KLF8: variants seen among roughly 807,000 people sequenced by gnomAD.
KLF8 encodes the protein KLF transcription factor 8.
In KLF8, 10 loss-of-function variants were observed where a neutral mutation model predicts 18.2. The observed-to-expected ratio is 0.55, with a 90% CI of 0.34 to 0.93. The LOEUF is 0.93. KLF8 is among the 40% of genes least tolerant of loss of function. The pLI is 0.02. For missense variants in KLF8, 264 were observed against 277.9 expected (o/e 0.95, Z 0.36); for synonymous variants, 109 against 97.3 (o/e 1.12, Z -0.71).
the KLF8 span, among the ~76,000 whole-genome samples, chrX:56,170,780 A>G: frequency 7.3e-4 from 82 of 111,785 alleles, no homozygotes; most frequent in African/African-American, 2.6e-3. Flanking sequence ...AGGAAAAATA[A>G]CAGAGAACTT....
chrX:56,038,170 T>C, the KLF8 span, among the ~76,000 whole-genome samples: 3 of 112,573 alleles, frequency 2.7e-5, no homozygotes, highest in African/African-American at 9.7e-5. Flanking sequence ...ATTCTTTTTA[T>C]GACTGAATAG....
chrX:56,034,335 G>A, the KLF8 span, among the ~76,000 whole-genome samples: 1 of 111,756 alleles, frequency 8.9e-6, no homozygotes, highest in Non-Finnish European at 1.9e-5. Context: ...AAACACATGT[G>A]TTTATTTCTG....
At chrX:56,013,203 GT>G in the KLF8 span, among the ~76,000 whole-genome samples, 1 of 112,785 alleles carries the variant, frequency 8.9e-6, no homozygotes, top group African/African-American at 3.2e-5. Flanking sequence ...GAACTTTAAG[GT>G]TTAATGACTG....
At chrX:56,189,493 C>T in the KLF8 span, among the ~76,000 whole-genome samples, 1 of 110,885 alleles carries the variant, frequency 9.0e-6, no homozygotes, top group East Asian at 2.9e-4. Context: ...CTAGAAATAC[C>T]ATTTGACCCA....
At chrX:56,005,932 C>G in the KLF8 span, among the ~76,000 whole-genome samples, 1 of 112,059 alleles carries the variant, frequency 8.9e-6, no homozygotes, top group Non-Finnish European at 1.9e-5. Flanking sequence ...TTGGAAGCAC[C>G]CTGATTGGGC....
rs1412819726 is a variant in KLF8, at chrX:56,287,599, A to C, written c.*3105A>C. The C allele has an allele frequency of 8.9e-6, 1 of 112,173 alleles. No homozygotes were observed. The highest frequency in any genetic ancestry group is 9.5e-5 in the Admixed American group (1 of 10,554). The allele number at this position is 112,173 out of a possible 1,213,427, so 9.2% of individuals were successfully genotyped here. On this transcript the variant is annotated 3_prime_UTR_variant, in exon 6 of 6. Coordinates refer to ENST00000468660, the MANE Select transcript of KLF8 (RefSeq NM_007250.5). ...TCTGATGATCAGCAGTTGAACATAA[A>C]CTTCATAATTATAGTAAAATTTAGG...
chrX:55,956,871 G>A, the KLF8 span, among the ~76,000 whole-genome samples: 2 of 111,459 alleles, frequency 1.8e-5, no homozygotes, highest in Admixed American at 9.5e-5. Flanking sequence ...TTTGGATCAT[G>A]TCCTTTGATA....
chrX:55,949,227 G>A, the KLF8 span, among the ~76,000 whole-genome samples: 4 of 110,713 alleles, frequency 3.6e-5, no homozygotes, highest in African/African-American at 1.3e-4. Flanking sequence ...ATTTTCCCAG[G>A]CCCCATGGAC....
At chrX:56,228,726 A>G (rs143185995), upstream of KLF8, among the ~76,000 whole-genome samples, 108 of 111,802 alleles carry the variant, frequency 9.7e-4, no homozygotes, top group African/African-American at 3.4e-3. Context: ...CACTGGTTCA[A>G]CATTAGCGGA....
chrX:56,255,919 G>T (rs892860582), intron 2 of KLF8, among the ~76,000 whole-genome samples: 1 of 111,471 alleles, frequency 9.0e-6, no homozygotes, highest in African/African-American at 3.3e-5. Context: ...TTTGGAAATA[G>T]TTCCTCCTCT....
chrX:55,989,399 T>G, the KLF8 span, among the ~76,000 whole-genome samples: 2 of 112,423 alleles, frequency 1.8e-5, no homozygotes, highest in East Asian at 2.8e-4. Flanking sequence ...TTTATTGAGA[T>G]TTTTTAGCAC....
chrX:56,132,880 T>A, the KLF8 span, among the ~76,000 whole-genome samples: 1 of 111,582 alleles, frequency 9.0e-6, no homozygotes, highest in Non-Finnish European at 1.9e-5. Context: ...AAGGCTACTA[T>A]GAACACCTTT....
the KLF8 span, among the ~76,000 whole-genome samples, chrX:56,078,824 G>A: frequency 1.8e-5 from 2 of 111,169 alleles, no homozygotes; most frequent in African/African-American, 3.3e-5. Flanking sequence ...TTCAGAGCCT[G>A]TTATTGGTCT....
the KLF8 span, among the ~76,000 whole-genome samples, chrX:56,120,146 C>A: frequency 9.1e-6 from 1 of 110,116 alleles, no homozygotes; most frequent in Non-Finnish European, 1.9e-5. Flanking sequence ...ACTTTTTTTC[C>A]AACCCAACTT....
At chrX:56,175,835 C>A in the KLF8 span, among the ~76,000 whole-genome samples, 2 of 111,379 alleles carry the variant, frequency 1.8e-5, no homozygotes, top group African/African-American at 6.5e-5. Flanking sequence ...TTGAATTGAT[C>A]CCTTTACCAT....
At chrX:55,993,782 T>A in the KLF8 span, among the ~76,000 whole-genome samples, 1 of 111,540 alleles carries the variant, frequency 9.0e-6, no homozygotes, top group African/African-American at 3.3e-5. Flanking sequence ...TTTTCTTCAC[T>A]CATTCAATTT....
intron 1 of KLF8, among the ~76,000 whole-genome samples, chrX:56,247,419 C>T (rs1315557553): frequency 8.9e-6 from 1 of 111,732 alleles, no homozygotes; most frequent in East Asian, 2.8e-4. Flanking sequence ...CTGTACCTTA[C>T]TTTAGACTTT....
intron 5 of KLF8, among the ~76,000 whole-genome samples, chrX:56,281,193 T>C (rs1312426453): frequency 9.0e-6 from 1 of 111,576 alleles, no homozygotes; most frequent in Non-Finnish European, 1.9e-5. Flanking sequence ...AAGTTTTTCA[T>C]CTGTCTTTTA....
At chrX:56,094,544 A>G in the KLF8 span, among the ~76,000 whole-genome samples, 37 of 111,100 alleles carry the variant, frequency 3.3e-4, no homozygotes, top group African/African-American at 1.2e-3. Context: ...CTCAGTAATT[A>G]TCAGATCCAG....
Sources: allele counts gnomAD v4.1 joint callset (sites outside exome capture counted in the v4.1 genomes callset), GRCh38; gene constraint gnomAD v4.1.1; transcripts MANE v1.5; gene names NCBI Gene and HGNC (gene_info 2026-07-23, HGNC 2026-07-21).